The following BICRA variants were observed in gnomAD, a reference collection of about 807,000 sequenced individuals.
The protein encoded by BICRA is BRD4 interacting chromatin remodeling complex associated protein, also known as BRD4-interacting chromatin-remodeling complex-associated protein.
A neutral mutation model predicts 96.9 loss-of-function variants in BICRA; 31 were observed. That is an observed-to-expected ratio of 0.32 (90% CI 0.24 to 0.43). BICRA has a LOEUF of 0.43. Ranked by LOEUF, BICRA falls within the 20% of genes least tolerant of loss-of-function variation. BICRA has a pLI of 1.00. For missense variants in BICRA, 2,283 were observed against 2,190.3 expected (o/e 1.04, Z -0.84); for synonymous variants, 1,350 against 1,071.8 (o/e 1.26, Z -5.07).
chr19:47,633,706 T>C lies in BICRA; in HGVS notation c.-108+24538T>C, dbSNP rs566019878. Among the ~76,000 whole-genome samples the C allele has an allele frequency of 5.5e-4, 84 of 152,296 alleles. 1 individual carries two copies. The highest frequency in any genetic ancestry group is 1.8e-3 in the African/African-American group (74 of 41,548). Reference sequence around the variant, plus strand: ...GGGAGCAAAGTCTCTTCTCCTGTTATAATGGACAGTGAACAAGACATGATA... The same window carrying C: ...GGGAGCAAAGTCTCTTCTCCTGTTACAATGGACAGTGAACAAGACATGATA... On this transcript the variant is annotated intron_variant, in intron 1 of 14. Transcript: ENST00000594866.
At chr19:47,631,396 T>A (rs1206413604) in intron 1 of BICRA, among the ~76,000 whole-genome samples, 1 of 151,990 alleles carries the variant, frequency 6.6e-6, no homozygotes, top group Non-Finnish European at 1.5e-5. Context: ...CCCGGCTAAT[T>A]TTTGTATTTT....
At chr19:47,647,042 T>TA (rs1175034905) in intron 1 of BICRA, among the ~76,000 whole-genome samples, 2 of 152,220 alleles carry the variant, frequency 1.3e-5, no homozygotes, top group East Asian at 3.8e-4. Flanking sequence ...AACAGACTCT[T>TA]ACACGACGTG....
chr19:47,702,767 G>T lies in BICRA; in HGVS notation c.*352G>T. 1 of 305,336 alleles carries T rather than the reference G, an allele frequency of 3.3e-6. No homozygotes were observed. The highest frequency in any genetic ancestry group is 4.5e-5 in the South Asian group (1 of 22,054). 18.9% of individuals were successfully genotyped at this position (305,336 alleles called of 1,614,324 possible). On this transcript the variant is annotated 3_prime_UTR_variant, in exon 15 of 15. Transcript: ENST00000594866. ...ATGGGGCCACCGGGTTGATGCCAAC[G>T]CTCCGGGTGCCTGTCTTGTCTGTGT...
rs749972863 is a variant in BICRA, at chr19:47,696,482, C to G, written c.3218C>G (p.Pro1073Arg). ...YESKLSGLKK[P>R]PTLQPSKEAC... ...AGCAAACTGAGTGGCCTGAAGAAGC[C>G]CCCCACGCTTCAGCCCAGCAAGGAA... Residue 1073 changes from proline to arginine, a missense_variant, in exon 11 of 15, where the codon CCC becomes CGC. Coordinates refer to ENST00000594866, the MANE Select transcript of BICRA (RefSeq NM_001394372.1). 8.1e-6 allele frequency: 13 copies of G among 1,604,582 alleles called. No homozygotes were observed. The highest frequency in any genetic ancestry group is 1.0e-5 in the Non-Finnish European group (12 of 1,175,824).
upstream of BICRA, chr19:47,608,265 C>G (rs533316259): frequency 1.3e-5 from 2 of 152,222 alleles, no homozygotes; most frequent in Admixed American, 1.3e-4. Context: ...CGCCGTGGCT[C>G]GACGGAGACC....
At chr19:47,695,619 C>T (rs927312013) in intron 10 of BICRA, 145 bp downstream of exon 10, 51 of 607,808 alleles carry the variant, frequency 8.4e-5, no homozygotes, top group Non-Finnish European at 1.1e-4. Context: ...CACGAACAGC[C>T]GTGCAGGGAC....
chr19:47,698,597 C>CA lies in BICRA; in HGVS notation c.3249-37_3249-36insA. The CA allele has an allele frequency of 2.0e-6, 2 of 988,398 alleles. No individual in the cohort carries two copies. The highest frequency in any genetic ancestry group is 1.6e-5 in the African/African-American group (1 of 63,356). 61.2% of individuals were successfully genotyped at this position (988,398 alleles called of 1,614,324 possible). A position where few individuals can be genotyped will look rare whatever the true frequency, so the allele number is the denominator to read the frequency against. ...CTGGCCCTCACCCGTCCCCCCCACC[C>CA]TCCGCCGTGTGTGGTCTCTCCCCTT... On this transcript the variant is annotated intron_variant, in intron 11 of 14. Transcript: ENST00000594866. The surrounding 1 kb of genome is among the most constrained non-coding windows in gnomAD (Gnocchi z 4.8).
At chr19:47,609,129 G>T (rs1254772152), upstream of BICRA, 1 of 149,252 alleles carries the variant, frequency 6.7e-6, no homozygotes, top group Non-Finnish European at 1.5e-5. Context: ...GTGCGGGGCC[G>T]TCTCGGAGAC....
At chr19:47,615,093 C>G (rs914503121) in intron 1 of BICRA, among the ~76,000 whole-genome samples, 2 of 152,186 alleles carry the variant, frequency 1.3e-5, no homozygotes, top group Admixed American at 6.5e-5. Context: ...AAGTGAGCCT[C>G]GCATCTCAGC....
intron 1 of BICRA, among the ~76,000 whole-genome samples, chr19:47,652,959 A>T (rs1421570505): frequency 6.7e-6 from 1 of 149,930 alleles, no homozygotes; most frequent in African/African-American, 2.5e-5. Context: ...TTACTTTTCC[A>T]TGTAGCAGTA....
chr19:47,630,719 C>T (rs898053206), intron 1 of BICRA, among the ~76,000 whole-genome samples: 1 of 152,168 alleles, frequency 6.6e-6, no homozygotes, highest in Non-Finnish European at 1.5e-5. Flanking sequence ...TTGCTGTGAA[C>T]ATAGGCTCTA....
intron 1 of BICRA, chr19:47,663,005 G>T (rs1972725532): frequency 6.6e-6 from 1 of 152,246 alleles, no homozygotes; most frequent in Admixed American, 6.5e-5. Context: ...GCGTCAGGTT[G>T]TATTTGTCTG....
intron 7 of BICRA, among the ~76,000 whole-genome samples, chr19:47,688,036 C>G (rs1418447352): frequency 6.6e-6 from 1 of 152,014 alleles, no homozygotes; most frequent in East Asian, 1.9e-4. Flanking sequence ...CTGGCCTGTT[C>G]TTTGCCAGGC....
chr19:47,650,651 T>C (rs1385703700), intron 1 of BICRA, among the ~76,000 whole-genome samples: 1 of 152,226 alleles, frequency 6.6e-6, no homozygotes, highest in African/African-American at 2.4e-5. Context: ...TGTGGAGTTC[T>C]TGCCCATAGC....
intron 7 of BICRA, among the ~76,000 whole-genome samples, chr19:47,683,239 C>G (rs369743810): frequency 6.6e-6 from 1 of 152,110 alleles, no homozygotes; most frequent in Non-Finnish European, 1.5e-5. Context: ...TTAGTTTAAC[C>G]TTTATCAGCA....
At chr19:47,692,920 T>C (rs1165811756) in intron 7 of BICRA, among the ~76,000 whole-genome samples, 2 of 152,190 alleles carry the variant, frequency 1.3e-5, no homozygotes, top group Non-Finnish European at 2.9e-5. Context: ...GAGAAATGGC[T>C]CAGAAGTCAC....
Position 47,699,636 on chromosome 19 carries a change from C to A in BICRA, c.3595+231C>A, listed in dbSNP as rs1347081905. 1.3e-5 allele frequency among the ~76,000 whole-genome samples: 2 copies of A among 152,174 alleles called. No individual in the cohort carries two copies. The highest frequency in any genetic ancestry group is 2.9e-5 in the Non-Finnish European group (2 of 68,034). On this transcript the variant is annotated intron_variant, in intron 14 of 14. Coordinates refer to ENST00000594866, the MANE Select transcript of BICRA (RefSeq NM_001394372.1). The surrounding 1 kb of genome is among the most constrained non-coding windows in gnomAD (Gnocchi z 5.0). ...CATCCCTGTGTGGCCCTTCCACCCC[C>A]ACCACTCTGGGATGGGGGGAATATT... is the stretch of plus-strand genomic sequence containing the variant.
At chr19:47,694,750 G>A (rs758298728) in intron 8 of BICRA, 24 bp downstream of exon 8, 35 of 1,177,738 alleles carry the variant, frequency 3.0e-5, no homozygotes, top group East Asian at 1.2e-4. Context: ...GGGACTGCCC[G>A]CCCCATCAGC....
intron 4 of BICRA, among the ~76,000 whole-genome samples, chr19:47,674,276 G>C (rs1018460422): frequency 8.9e-6 from 1 of 112,338 alleles, no homozygotes; most frequent in Non-Finnish European, 1.9e-5. Flanking sequence ...GGGAAAACTA[G>C]TAGGAGGTGA....
Sources: gnomAD v4.1 joint callset for allele counts (sites outside exome capture counted in the v4.1 genomes callset) on GRCh38, gnomAD v4.1.1 for gene constraint, Gnocchi (gnomAD v3.1) non-coding constraint, MANE v1.5 for transcripts, NCBI Gene and HGNC (gene_info 2026-07-23, HGNC 2026-07-21) for gene names.